The following OSGIN2 variants were observed in gnomAD, a reference collection of about 807,000 sequenced individuals.
The protein encoded by OSGIN2 is oxidative stress induced growth inhibitor family member 2.
Under a neutral mutation model 53.8 loss-of-function variants are expected in OSGIN2, and 19 were observed. The observed-to-expected ratio is 0.35, with a 90% confidence interval of 0.25 to 0.52. The LOEUF is 0.52. OSGIN2 is among the 20% of genes least tolerant of loss of function. The pLI, the probability that OSGIN2 is intolerant of heterozygous loss-of-function variation, is 0.95. For missense variants in OSGIN2, 520 were observed against 662.7 expected (o/e 0.78, Z 2.36); for synonymous variants, 236 against 236.0 (o/e 1.00, Z 0.00).
In OSGIN2 at chr8:89,925,727, C is replaced by CA. The variant is rs1809311088; in HGVS notation, c.*196dup. 2.0e-6 allele frequency: 1 copy of CA among 494,936 alleles called. No homozygotes were observed. The highest frequency in any genetic ancestry group is 3.9e-5 in the South Asian group (1 of 25,898). The allele number at this position is 494,936 out of a possible 1,614,324, so 30.7% of individuals were successfully genotyped here. ...TGCAGTGTTTCAAAGGTGTCACTGT[C>CA]AGACAAATAGAAACACTGCCAACTT... On this transcript the variant is annotated 3_prime_UTR_variant, in exon 6 of 6. Coordinates refer to ENST00000451899, the MANE Select transcript of OSGIN2 (RefSeq NM_001126111.3).
intron 4 of OSGIN2, among the ~76,000 whole-genome samples, chr8:89,915,648 A>G (rs949140731): frequency 1.3e-5 from 2 of 152,208 alleles, no homozygotes; most frequent in African/African-American, 4.8e-5. Context: ...ATACAAATTG[A>G]TGTTAAGTAA....
In OSGIN2 at chr8:89,926,415, T is replaced by C. The variant is rs545422537; in HGVS notation, c.*883T>C. The C allele has an allele frequency of 4.6e-5, 7 of 152,786 alleles. No individual in the cohort carries two copies. The highest frequency in any genetic ancestry group is 4.1e-4 in the South Asian group (2 of 4,830). The allele number at this position is 152,786 out of a possible 1,614,324, so 9.5% of individuals were successfully genotyped here. ...TGAACTACTTATCCCTGTGTGAACA[T>C]TGAATTACTTTCTGTCACTGAAACT... is the stretch of plus-strand genomic sequence containing the variant. On this transcript the variant is annotated 3_prime_UTR_variant, in exon 6 of 6. Coordinates refer to ENST00000451899, the MANE Select transcript of OSGIN2 (RefSeq NM_001126111.3).
Position 89,902,763 on chromosome 8 carries a change from C to T in OSGIN2, c.-31C>T. 2.1e-5 allele frequency: 26 copies of T among 1,215,852 alleles called. No individual in the cohort carries two copies. The highest frequency in any genetic ancestry group is 2.7e-5 in the Non-Finnish European group (26 of 969,960). 75.3% of individuals were successfully genotyped at this position (1,215,852 alleles called of 1,614,324 possible). ...GGGGAGGCGGAGGCGGCCACGGCGGCCGCGCTCGGGCGCCCCTCGCGCAGC... is the reference window on the plus strand; with the variant it reads ...GGGGAGGCGGAGGCGGCCACGGCGGTCGCGCTCGGGCGCCCCTCGCGCAGC... On this transcript the variant is annotated 5_prime_UTR_variant, in exon 1 of 6. Coordinates refer to ENST00000451899, the MANE Select transcript of OSGIN2 (RefSeq NM_001126111.3).
At chr8:89,913,695 T>C (rs1563469469) in intron 2 of OSGIN2, among the ~76,000 whole-genome samples, 2 of 152,124 alleles carry the variant, frequency 1.3e-5, no homozygotes, top group Admixed American at 6.5e-5. Context: ...AGGATAGGGT[T>C]TGAAGGAGAG....
chr8:89,920,621 A>G (rs1809177904), intron 4 of OSGIN2, among the ~76,000 whole-genome samples: 2 of 152,244 alleles, frequency 1.3e-5, no homozygotes, highest in Admixed American at 6.5e-5. Context: ...TGGAGGAGGG[A>G]AAAGCTTCTT....
rs552060168 is a variant in OSGIN2 at position 89,910,940 on chromosome 8, G to T, written c.199+1219G>T. Among the ~76,000 whole-genome samples, 11 of 152,284 alleles carry T rather than the reference G, an allele frequency of 7.2e-5. 2 individuals carry two copies. The highest frequency in any genetic ancestry group is 7.2e-4 in the Admixed American group (11 of 15,298). The stretch of plus-strand genomic sequence containing the variant: ...CTAATTTCTTAAATATATGTTTTCT[G>T]TTGCCGCTGTAACAAATTACCACAA... On this transcript the variant is annotated intron_variant, in intron 2 of 5. Coordinates refer to ENST00000451899, the MANE Select transcript of OSGIN2 (RefSeq NM_001126111.3).
At position 89,903,414 on chromosome 8, in the gene OSGIN2, C is replaced by T. The variant is rs571407007; in HGVS notation, c.44+577C>T. Among the ~76,000 whole-genome samples, 48 of 152,308 alleles carry T rather than the reference C, an allele frequency of 3.2e-4. No homozygotes were observed. In the South Asian group the frequency reaches 9.5e-3, roughly 30 times the overall value. On this transcript the variant is annotated intron_variant, in intron 1 of 5. Transcript: ENST00000451899. Reference sequence around the variant, plus strand: ...CATTTCTAAAATAAAAGTATGTTTTCTAGATCTAGCACATTTGGTCAACAC... The same window carrying T: ...CATTTCTAAAATAAAAGTATGTTTTTTAGATCTAGCACATTTGGTCAACAC...
At chr8:89,908,865 TAGC>T (rs1808893573) in intron 1 of OSGIN2, among the ~76,000 whole-genome samples, 1 of 151,396 alleles carries the variant, frequency 6.6e-6, no homozygotes, top group South Asian at 2.1e-4. Flanking sequence ...TTTTTTAAAT[TAGC>T]CAAGTGTGGT....
intron 2 of OSGIN2, among the ~76,000 whole-genome samples, chr8:89,912,781 A>ATCC (rs1808997069): frequency 6.6e-6 from 1 of 151,638 alleles, no homozygotes; most frequent in South Asian, 2.1e-4. Flanking sequence ...AAAACTCCTG[A>ATCC]TCCCTCCTGA....
At chr8:89,922,600 T>C (rs970497016) in intron 5 of OSGIN2, among the ~76,000 whole-genome samples, 2 of 152,210 alleles carry the variant, frequency 1.3e-5, no homozygotes, top group East Asian at 1.9e-4. Flanking sequence ...GAGAAGACTC[T>C]TAGGTCTCTA....
chr8:89,919,165 T>A (rs930815764), intron 4 of OSGIN2, among the ~76,000 whole-genome samples: 3 of 152,250 alleles, frequency 2.0e-5, no homozygotes, highest in Admixed American at 6.5e-5. Flanking sequence ...CATTCTGTGC[T>A]CTAGCATGCT....
intron 2 of OSGIN2, among the ~76,000 whole-genome samples, chr8:89,910,365 T>C (rs1808942386): frequency 6.6e-6 from 1 of 152,230 alleles, no homozygotes; most frequent in African/African-American, 2.4e-5. Flanking sequence ...TCATCTAATA[T>C]ACAAAGTCGA....
chr8:89,907,703 C>T (rs369371884), intron 1 of OSGIN2, among the ~76,000 whole-genome samples: 99 of 152,228 alleles, frequency 6.5e-4, no homozygotes, highest in African/African-American at 2.3e-3. Context: ...ATGCTTCCCG[C>T]TTTGTTCTTT....
At chr8:89,910,391 A>G (rs533122684) in intron 2 of OSGIN2, among the ~76,000 whole-genome samples, 101 of 152,308 alleles carry the variant, frequency 6.6e-4, no homozygotes, top group Middle Eastern at 3.4e-3. Context: ...TCAGACAAGG[A>G]ATATAGTGTG....
chr8:89,921,744 A>C (rs932900538), intron 5 of OSGIN2, among the ~76,000 whole-genome samples: 1 of 152,086 alleles, frequency 6.6e-6, no homozygotes. Context: ...CATTTTGGGA[A>C]GCTGAGGTGG....
chr8:89,914,146 C>T lies in OSGIN2; in HGVS notation c.269C>T (p.Ala90Val). 6.3e-7 allele frequency: 1 copy of T among 1,596,828 alleles called. No homozygotes were observed. The highest frequency in any genetic ancestry group is 8.6e-7 in the Non-Finnish European group (1 of 1,164,712). ...SGYRPYLSSE[A>V]IHPNTILNSK... ...TACAGACCGTATTTATCATCAGAAG[C>T]AATACACCCAAATACAATCTTAAAT... The change falls in exon 3 of 6, where the codon GCA (alanine) becomes GTA (valine). Residue 90 changes from alanine (A) to valine (V), a missense_variant. Physicochemically the swap from Ala to Val is moderately conservative, Grantham distance 64. Transcript: ENST00000451899.
intron 2 of OSGIN2, among the ~76,000 whole-genome samples, chr8:89,913,334 T>C (rs758987083): frequency 1.3e-5 from 2 of 151,922 alleles, no homozygotes; most frequent in Non-Finnish European, 2.9e-5. Flanking sequence ...AGCCGGCCTT[T>C]GAAGCTAGAA....
chr8:89,903,794 A>G (rs1808780905), intron 1 of OSGIN2, among the ~76,000 whole-genome samples: 1 of 152,254 alleles, frequency 6.6e-6, no homozygotes, highest in Non-Finnish European at 1.5e-5. Context: ...CAGTTAATAT[A>G]GAAATACTGT....
intron 4 of OSGIN2, among the ~76,000 whole-genome samples, chr8:89,916,269 G>T (rs1809076966): frequency 1.2e-4 from 1 of 8,438 alleles, no homozygotes; most frequent in South Asian, 0.011. Context: ...GTATAAAAAA[G>T]TTAGAAAGTA....
Sources: gnomAD v4.1 joint callset for allele counts (sites outside exome capture counted in the v4.1 genomes callset) on GRCh38, gnomAD v4.1.1 for gene constraint, MANE v1.5 for transcripts, NCBI Gene and HGNC (gene_info 2026-07-23, HGNC 2026-07-21) for gene names.